NMD3: variants seen among roughly 807,000 people sequenced by gnomAD.
NMD3 encodes the protein NMD3 ribosome export adaptor, also known as 60S ribosomal export protein NMD3.
In NMD3, 47 loss-of-function variants were observed where a neutral mutation model predicts 73.1. That is an observed-to-expected ratio of 0.64 (90% CI 0.51 to 0.82). The LOEUF (loss-of-function observed/expected upper bound fraction) is 0.82. Ranked by LOEUF, NMD3 falls within the 40% of genes least tolerant of loss-of-function variation. The probability of loss-of-function intolerance (pLI) is 0.00; values close to 1 mark genes in which losing one functional copy is unlikely to be tolerated. For missense variants in NMD3, 554 were observed against 612.5 expected (o/e 0.90, Z 1.01); for synonymous variants, 210 against 194.5 (o/e 1.08, Z -0.66).
rs188265232 is a variant in NMD3, at chr3:161,236,725, T to C, written c.578-1388T>C. Among the ~76,000 whole-genome samples, 1,084 of 148,512 alleles carry C rather than the reference T, an allele frequency of 7.3e-3. 6 individuals are homozygous for C. The highest frequency in any genetic ancestry group is 0.027 in the African/African-American group (1,030 of 37,974). On this transcript the variant is annotated intron_variant, in intron 7 of 15. Coordinates refer to ENST00000351193, the MANE Select transcript of NMD3 (RefSeq NM_015938.5). Reference sequence around the variant, plus strand: ...GTCTTATATATTTAGGTCTAACTCTTGAGTTAATTTTTGTGCAGAGTGTGA... The same window carrying C: ...GTCTTATATATTTAGGTCTAACTCTCGAGTTAATTTTTGTGCAGAGTGTGA...
chr3:161,225,824 A>ATG (rs200960558), intron 3 of NMD3, among the ~76,000 whole-genome samples: 24 of 151,844 alleles, frequency 1.6e-4, no homozygotes, highest in Non-Finnish European at 1.8e-4. Flanking sequence ...ATGTATATAT[A>ATG]TGTGTGTGTG....
intron 9 of NMD3, among the ~76,000 whole-genome samples, chr3:161,239,615 T>G (rs6775446): frequency 0.049 from 7,434 of 152,258 alleles, 476 homozygotes; most frequent in African/African-American, 0.14. Context: ...TTGAGGAGGT[T>G]AGATAACTTG....
intron 7 of NMD3, among the ~76,000 whole-genome samples, chr3:161,237,460 C>CT (rs1340749660): frequency 1.3e-5 from 2 of 148,782 alleles, no homozygotes; most frequent in East Asian, 3.9e-4. Flanking sequence ...TTTTCTAGTA[C>CT]TTTTTGTTTT....
At chr3:161,230,453 G>A (rs907463232) in intron 4 of NMD3, among the ~76,000 whole-genome samples, 4 of 152,130 alleles carry the variant, frequency 2.6e-5, no homozygotes, top group African/African-American at 4.8e-5. Flanking sequence ...CATTTCTTAA[G>A]ATGGTATATA....
At chr3:161,225,140 A>G in intron 3 of NMD3, 76 bp downstream of exon 3, 1 of 1,467,078 alleles carries the variant, frequency 6.8e-7, no homozygotes, top group East Asian at 2.3e-5. Flanking sequence ...TGCTGAGATT[A>G]CACGAAGGTA....
chr3:161,222,187 G>A, intron 2 of NMD3, 130 bp downstream of exon 2: 1 of 732,458 alleles, frequency 1.4e-6, no homozygotes, highest in Non-Finnish European at 2.4e-6. Context: ...AAAAATAGAA[G>A]TCTTATTTCT....
intron 5 of NMD3, among the ~76,000 whole-genome samples, chr3:161,233,769 C>T (rs1185559488): frequency 1.3e-5 from 2 of 152,152 alleles, no homozygotes; most frequent in African/African-American, 2.4e-5. Context: ...ATTGTAATGA[C>T]TCATCATAAC....
intron 9 of NMD3, among the ~76,000 whole-genome samples, chr3:161,239,292 A>G (rs1299162858): frequency 6.6e-6 from 1 of 152,218 alleles, no homozygotes; most frequent in East Asian, 1.9e-4. Flanking sequence ...GCTGAATAAA[A>G]CATTTAAAAT....
intron 1 of NMD3, 64 bp from the exon 2 acceptor site, chr3:161,221,930 G>A (rs1196964719): frequency 9.5e-7 from 1 of 1,049,460 alleles, no homozygotes; most frequent in African/African-American, 1.7e-5. Flanking sequence ...GAGGAGACTA[G>A]GTAAAGTGAT....
intron 4 of NMD3, among the ~76,000 whole-genome samples, chr3:161,232,101 G>GA (rs1180697981): frequency 3.3e-5 from 5 of 150,108 alleles, no homozygotes; most frequent in Non-Finnish European, 5.9e-5. Flanking sequence ...GTTGGAGCTT[G>GA]AGGGGAAGAT....
chr3:161,227,726 C>G (rs1411334291), intron 4 of NMD3, among the ~76,000 whole-genome samples: 1 of 152,006 alleles, frequency 6.6e-6, no homozygotes, highest in African/African-American at 2.4e-5. Context: ...GGATTACAGG[C>G]GTGAGCCACC....
At chr3:161,227,435 G>C in intron 4 of NMD3, 92 bp downstream of exon 4, 1 of 556,350 alleles carries the variant, frequency 1.8e-6, no homozygotes, top group South Asian at 2.1e-5. Flanking sequence ...TTTTCAAAAG[G>C]AATTTTTTTT....
chr3:161,250,873 A>T lies in NMD3; in HGVS notation c.1475A>T (p.Asp492Val). The stretch of plus-strand genomic sequence containing the variant: ...CTTGAAGACCTTCATATTTCCCAAG[A>T]TGCCACTGGTGAAGAAGGTGCATCA... The part of the protein sequence containing the change: ...EMLEDLHISQ[D>V]ATGEEGASML... The change falls in exon 16 of 16, where the codon GAT becomes GTT. Residue 492 changes from aspartate to valine, a missense_variant. Asp to Val is a radical substitution (Grantham distance 152, BLOSUM62 -3). Transcript: ENST00000351193. The T allele has an allele frequency of 2.5e-6, 4 of 1,613,050 alleles. No homozygotes were observed. The highest frequency in any genetic ancestry group is 3.4e-6 in the Non-Finnish European group (4 of 1,179,178).
intron 2 of NMD3, among the ~76,000 whole-genome samples, chr3:161,222,392 C>G (rs1235110817): frequency 6.6e-6 from 1 of 151,808 alleles, no homozygotes; most frequent in Non-Finnish European, 1.5e-5. Context: ...GTTGCCCAGG[C>G]TGGAGTGCAG....
intron 5 of NMD3, 72 bp downstream of exon 5, chr3:161,233,551 T>C (rs1736624694): frequency 1.1e-6 from 1 of 889,334 alleles, no homozygotes; most frequent in African/African-American, 1.7e-5. Flanking sequence ...TGATAAGTTA[T>C]TTTATGGCTT....
chr3:161,230,180 C>T (rs9856742), intron 4 of NMD3, among the ~76,000 whole-genome samples: 7,086 of 152,166 alleles, frequency 0.047, 431 homozygotes, highest in African/African-American at 0.13. Flanking sequence ...CTCACTGCAG[C>T]CTCAAACTCC....
In NMD3 at chr3:161,238,734, A is replaced by G; in HGVS notation, c.661A>G (p.Lys221Glu). The G allele has an allele frequency of 2.7e-6, 4 of 1,495,318 alleles. No homozygotes were observed. Among genetic ancestry groups the G allele is most frequent in the Non-Finnish European group, 3.7e-6 (4 of 1,074,588 alleles). 92.6% of individuals were successfully genotyped at this position (1,495,318 alleles called of 1,614,324 possible). Reference protein sequence around the residue: ...FLQCTVPCRYKASQRLISQDI... With the variant: ...FLQCTVPCRYEASQRLISQDI... ...TACTAACTTTTTTCTTAATAGATAC[A>G]AAGCATCACAAAGACTGATCTCTCA... Residue 221 changes from lysine (K) to glutamate (E), a missense_variant, in exon 9 of 16, where the codon AAA (lysine) becomes GAA (glutamate). Lys to Glu is a moderately conservative substitution (Grantham distance 56, BLOSUM62 1). Transcript: ENST00000351193.
chr3:161,241,253 TA>T, intron 10 of NMD3, 90 bp downstream of exon 10: 1 of 807,954 alleles, frequency 1.2e-6, no homozygotes, highest in Non-Finnish European at 2.1e-6. Context: ...GCATTCTTGC[TA>T]ATATTGTTTT....
downstream of NMD3, chr3:161,253,087 A>G (rs909405464): frequency 4.8e-6 from 1 of 208,148 alleles, no homozygotes. Context: ...ACAGAGTGAG[A>G]CTCTGTTCCC....
Sources: gnomAD v4.1 joint callset for allele counts (sites outside exome capture counted in the v4.1 genomes callset) on GRCh38, gnomAD v4.1.1 for gene constraint, MANE v1.5 for transcripts, NCBI Gene and HGNC (gene_info 2026-07-23, HGNC 2026-07-21) for gene names.